The following GGT7 variants were observed in gnomAD, a reference collection of about 807,000 sequenced individuals.
GGT7 encodes gamma-glutamyltransferase 7, also known as glutathione hydrolase 7.
GGT7 carries 30 observed loss-of-function variants against 69.2 expected under a neutral mutation model. The observed-to-expected ratio is 0.43, with a 90% CI of 0.32 to 0.59. The LOEUF (loss-of-function observed/expected upper bound fraction) is 0.59. Among genes scored for constraint, GGT7 ranks in the 20% least tolerant of loss-of-function variants. The pLI is 0.05. For synonymous variants in GGT7, 388 were observed against 391.8 expected (o/e 0.99, Z 0.12); for missense variants, 733 against 901.1 (o/e 0.81, Z 2.39).
intron 14 of GGT7, among the ~76,000 whole-genome samples, chr20:34,846,399 G>C (rs1052501092): frequency 2.0e-5 from 3 of 151,648 alleles, no homozygotes; most frequent in African/African-American, 7.3e-5. Flanking sequence ...TGCCTCCCAG[G>C]TTCAAGCGAT....
At chr20:34,851,432 C>CTGCT in intron 12 of GGT7, 64 bp from the exon 13 acceptor site, 1 of 1,488,110 alleles carries the variant, frequency 6.7e-7, no homozygotes. Flanking sequence ...GAAAGGGCCC[C>CTGCT]TCCACAACCC....
intron 14 of GGT7, among the ~76,000 whole-genome samples, chr20:34,848,532 A>G (rs1259156621): frequency 5.9e-5 from 9 of 152,260 alleles, no homozygotes; most frequent in Non-Finnish European, 1.0e-4. Flanking sequence ...TATTTGTTGA[A>G]CAAAATTCAA....
chr20:34,851,509 C>A, intron 12 of GGT7, 141 bp from the exon 13 acceptor site: 2 of 822,374 alleles, frequency 2.4e-6, no homozygotes, highest in Middle Eastern at 3.7e-4. Context: ...GGTCCCTTCC[C>A]AGACAACAGT....
chr20:34,860,371 G>A (rs746735787), intron 4 of GGT7, 50 bp from the exon 5 acceptor site: 6 of 1,409,598 alleles, frequency 4.3e-6, no homozygotes, highest in African/African-American at 1.4e-5. Context: ...TCACTGGAAG[G>A]GGGGTGCTGG....
chr20:34,869,163 A>C (rs113985334), intron 1 of GGT7, among the ~76,000 whole-genome samples: 4 of 149,912 alleles, frequency 2.7e-5, no homozygotes, highest in African/African-American at 9.8e-5. Flanking sequence ...TAAATAAATA[A>C]ATATATATAT....
intron 4 of GGT7, among the ~76,000 whole-genome samples, chr20:34,860,637 CTTTTTT>C (rs533561120): frequency 3.5e-5 from 4 of 113,876 alleles, no homozygotes; most frequent in East Asian, 3.0e-4. Flanking sequence ...CAACCCCTGC[CTTTTTT>C]TTTTTTTTTT....
chr20:34,867,172 G>A lies in GGT7; in HGVS notation c.170-3624C>T, dbSNP rs185338057. 2.4e-4 allele frequency among the ~76,000 whole-genome samples: 37 copies of A among 152,106 alleles called. No homozygotes were observed. The East Asian group carries it at 2.5e-3, about 10-fold the overall frequency. On this transcript the variant is annotated intron_variant, in intron 1 of 14. Coordinates refer to ENST00000336431, the MANE Select transcript of GGT7 (RefSeq NM_178026.3). ...ACTCCTGAGCTCAAACAATCATCCC[G>A]CCTCAGCCTCCCAAAGTGTTGGGAT...
chr20:34,847,004 C>T (rs2079314345), intron 14 of GGT7, among the ~76,000 whole-genome samples: 1 of 152,180 alleles, frequency 6.6e-6, no homozygotes, highest in African/African-American at 2.4e-5. Context: ...CAAGAATTTC[C>T]TCCACCATTA....
intron 12 of GGT7, among the ~76,000 whole-genome samples, chr20:34,851,667 C>G (rs2079396036): frequency 6.6e-6 from 1 of 152,136 alleles, no homozygotes; most frequent in African/African-American, 2.4e-5. Flanking sequence ...CAGGATAACC[C>G]CACCCTGATC....
chr20:34,870,132 G>A (rs1055736071), intron 1 of GGT7, among the ~76,000 whole-genome samples: 4 of 152,210 alleles, frequency 2.6e-5, no homozygotes, highest in Non-Finnish European at 4.4e-5. Flanking sequence ...GTCTGGTCCA[G>A]GTGAACCGAG....
intron 8 of GGT7, 64 bp downstream of exon 8, chr20:34,856,742 G>A (rs1312269929): frequency 4.4e-6 from 4 of 904,628 alleles, no homozygotes; most frequent in African/African-American, 1.6e-5. Context: ...AGGCCAAAAC[G>A]ATGTGGCCAT....
chr20:34,845,666 T>G (rs757451724), intron 14 of GGT7, among the ~76,000 whole-genome samples, 175 bp from the exon 15 acceptor site: 1 of 152,186 alleles, frequency 6.6e-6, no homozygotes, highest in Non-Finnish European at 1.5e-5. Context: ...AGGGATTATA[T>G]GAGAACATGA....
At position 34,863,679 on chromosome 20, in the gene GGT7, C is replaced by T. The variant is rs556253761; in HGVS notation, c.170-131G>A. 2.7e-6 allele frequency: 2 copies of T among 748,438 alleles called. No homozygotes were observed. The highest frequency in any genetic ancestry group is 2.7e-5 in the East Asian group (1 of 37,400). 46.4% of individuals were successfully genotyped at this position (748,438 alleles called of 1,614,324 possible). On this transcript the variant is annotated intron_variant, in intron 1 of 14. Coordinates refer to ENST00000336431, the MANE Select transcript of GGT7 (RefSeq NM_178026.3). The surrounding 1 kb of genome is among the most constrained non-coding windows in gnomAD (Gnocchi z 4.4). The stretch of plus-strand genomic sequence containing the variant: ...TCCCCGCACTGGCTAGCACTACTCA[C>T]CTTTCCTCATTTTCGCGTGCACCCC...
intron 14 of GGT7, among the ~76,000 whole-genome samples, chr20:34,845,920 C>T (rs903935470): frequency 7.2e-5 from 11 of 151,910 alleles, no homozygotes; most frequent in South Asian, 2.1e-4. Flanking sequence ...ATTAGCTGAG[C>T]GTGGTGGTAC....
rs1568925566 is a variant in GGT7, at chr20:34,845,132, A to ACCACCC, written c.*195_*196insGGGTGG. 7 of 323,408 alleles carry ACCACCC rather than the reference A, an allele frequency of 2.2e-5. No individual in the cohort carries two copies. The highest frequency in any genetic ancestry group is 7.6e-5 in the South Asian group (3 of 39,496). 20.0% of individuals were successfully genotyped at this position (323,408 alleles called of 1,614,324 possible). ...GACACTCACCACCACCACCACCACC[A>ACCACCC]CCACCACCACCACCACCACCACAGG... On this transcript the variant is annotated 3_prime_UTR_variant, in exon 15 of 15. Transcript: ENST00000336431.
intron 14 of GGT7, among the ~76,000 whole-genome samples, chr20:34,846,135 G>A (rs1012761573): frequency 6.6e-6 from 1 of 151,750 alleles, no homozygotes; most frequent in Admixed American, 6.6e-5. Flanking sequence ...AAGAAAAAGG[G>A]GCTTTGTGGG....
At position 34,869,688 on chromosome 20, in the gene GGT7, TCA is replaced by T. The variant is rs2079750044; in HGVS notation, c.169+2957_169+2958del. On this transcript the variant is annotated intron_variant, in intron 1 of 14. Transcript: ENST00000336431. ...TAGGAGGGGTGCAGAGAGCACTTGA[TCA>T]CCATTTGGAAATGAGAAGAAAAGGA... 2.6e-5 allele frequency among the ~76,000 whole-genome samples: 4 copies of T among 152,126 alleles called. No individual in the cohort carries two copies. The South Asian group carries it at 8.3e-4, about 31-fold the overall frequency.
At chr20:34,850,154 T>C (rs762973043) in intron 13 of GGT7, 94 bp from the exon 14 acceptor site, 8 of 879,332 alleles carry the variant, frequency 9.1e-6, no homozygotes, top group Non-Finnish European at 1.6e-5. Flanking sequence ...CTCCTTAGTC[T>C]TGAGAATTCT....
chr20:34,865,714 G>C (rs1268325232), intron 1 of GGT7, among the ~76,000 whole-genome samples: 1 of 152,214 alleles, frequency 6.6e-6, no homozygotes, highest in Non-Finnish European at 1.5e-5. Context: ...CCAGTGCACT[G>C]TAGGTACTCA....
Sources: allele counts gnomAD v4.1 joint callset (sites outside exome capture counted in the v4.1 genomes callset), GRCh38; gene constraint gnomAD v4.1.1; non-coding constraint Gnocchi (gnomAD v3.1); transcripts MANE v1.5; gene names NCBI Gene and HGNC (gene_info 2026-07-23, HGNC 2026-07-21).